The following TSHZ2 variants were observed in gnomAD, a reference collection of about 807,000 sequenced individuals.
The protein encoded by TSHZ2 is teashirt zinc finger homeobox 2, also known as teashirt homolog 2.
A neutral mutation model predicts 74.4 loss-of-function variants in TSHZ2; 21 were observed. The observed-to-expected ratio is 0.28, with a 90% CI of 0.20 to 0.41. TSHZ2 has a LOEUF of 0.41. Among genes scored for constraint, TSHZ2 ranks in the 10% least tolerant of loss-of-function variants. The pLI is 1.00. For missense variants in TSHZ2, 1,244 were observed against 1,293.5 expected (o/e 0.96, Z 0.59); for synonymous variants, 540 against 515.3 (o/e 1.05, Z -0.65).
chr20:53,096,606 G>C (rs1170957206), intron 1 of TSHZ2, among the ~76,000 whole-genome samples: 6 of 152,088 alleles, frequency 3.9e-5, no homozygotes, highest in Non-Finnish European at 8.8e-5. Flanking sequence ...TTCTCGGCCA[G>C]GCGCGGTGGC....
rs78698579 is a variant in TSHZ2, at chr20:53,382,662, C to T, written c.*9-104482C>T. ...TTCTCAGGCACTCCATGGCTCCCCC[C>T]GGGCCACAGTTTCCTGTCTGGATTA... On this transcript the variant is annotated intron_variant, in intron 2 of 2. Coordinates refer to ENST00000371497, the MANE Select transcript of TSHZ2 (RefSeq NM_173485.6). 1.4e-3 allele frequency among the ~76,000 whole-genome samples: 218 copies of T among 152,322 alleles called. 1 individual carries two copies. The highest frequency in any genetic ancestry group is 5.0e-3 in the African/African-American group (206 of 41,562).
At chr20:53,170,231 T>C (rs1225238862) in intron 1 of TSHZ2, among the ~76,000 whole-genome samples, 2 of 152,218 alleles carry the variant, frequency 1.3e-5, no homozygotes, top group African/African-American at 4.8e-5. Flanking sequence ...CATGTTAACA[T>C]TTATACTGTA....
At chr20:53,320,698 C>T (rs1979223753) in intron 2 of TSHZ2, among the ~76,000 whole-genome samples, 1 of 152,160 alleles carries the variant, frequency 6.6e-6, no homozygotes, top group South Asian at 2.1e-4. Context: ...CACCCTTTGA[C>T]TCAACAGAAA....
intron 1 of TSHZ2, among the ~76,000 whole-genome samples, chr20:53,123,690 G>A (rs575190306): frequency 1.3e-5 from 2 of 152,226 alleles, no homozygotes; most frequent in African/African-American, 4.8e-5. Context: ...TAAGTTAGCC[G>A]GCAAAGGGCA....
At chr20:53,436,394 A>G (rs1321319854) in intron 2 of TSHZ2, among the ~76,000 whole-genome samples, 2 of 151,872 alleles carry the variant, frequency 1.3e-5, no homozygotes, top group East Asian at 3.9e-4. Context: ...CCAAACCCAG[A>G]AGCTCAGAGG....
chr20:53,414,874 G>A (rs760157615), intron 2 of TSHZ2, among the ~76,000 whole-genome samples: 18 of 152,290 alleles, frequency 1.2e-4, no homozygotes, highest in Middle Eastern at 3.4e-3. Flanking sequence ...TTCCAGCCAC[G>A]TGACCTAAGA....
At chr20:53,019,702 C>A (rs1042270885) in intron 1 of TSHZ2, among the ~76,000 whole-genome samples, 1 of 152,250 alleles carries the variant, frequency 6.6e-6, no homozygotes, top group South Asian at 2.1e-4. Context: ...CTACTTCCTC[C>A]AAGCCTCCGT....
intron 1 of TSHZ2, among the ~76,000 whole-genome samples, chr20:53,015,442 A>G (rs1983000428): frequency 6.6e-6 from 1 of 152,186 alleles, no homozygotes; most frequent in African/African-American, 2.4e-5. Flanking sequence ...TACAATACAC[A>G]GAACACCCCC....
intron 1 of TSHZ2, among the ~76,000 whole-genome samples, chr20:53,111,967 A>G (rs1480229813): frequency 6.6e-6 from 1 of 152,144 alleles, no homozygotes. Context: ...GCCTTGCCCC[A>G]TCCTGAGATG....
At chr20:52,999,721 G>A (rs1982343617) in intron 1 of TSHZ2, among the ~76,000 whole-genome samples, 1 of 152,202 alleles carries the variant, frequency 6.6e-6, no homozygotes, top group South Asian at 2.1e-4. Flanking sequence ...AAAAAGTCAT[G>A]TGCTCAGCTT....
intron 1 of TSHZ2, among the ~76,000 whole-genome samples, chr20:52,982,689 A>G (rs1981613326): frequency 6.6e-6 from 1 of 152,248 alleles, no homozygotes; most frequent in Non-Finnish European, 1.5e-5. Flanking sequence ...AAATAAATAT[A>G]TAACACAATA....
intron 1 of TSHZ2, among the ~76,000 whole-genome samples, chr20:53,135,915 C>T (rs1355055364): frequency 2.0e-5 from 3 of 152,152 alleles, no homozygotes; most frequent in African/African-American, 4.8e-5. Flanking sequence ...AATGTTTGTC[C>T]CATTTCTAGT....
At chr20:52,979,800 G>A (rs1172183621) in intron 1 of TSHZ2, among the ~76,000 whole-genome samples, 4 of 152,140 alleles carry the variant, frequency 2.6e-5, no homozygotes, top group African/African-American at 9.7e-5. Context: ...GGCACAGCAA[G>A]ATAATCCGAT....
intron 2 of TSHZ2, among the ~76,000 whole-genome samples, chr20:53,259,759 T>C (rs2123736295): frequency 6.6e-6 from 1 of 152,302 alleles, no homozygotes; most frequent in African/African-American, 2.4e-5. Flanking sequence ...AAATGACAAA[T>C]AGGTTTTGAG....
chr20:53,122,970 C>T (rs1268687076), intron 1 of TSHZ2, among the ~76,000 whole-genome samples: 1 of 152,282 alleles, frequency 6.6e-6, no homozygotes, highest in Non-Finnish European at 1.5e-5. Flanking sequence ...GGGGGAGGTA[C>T]TGGGTATTTC....
intron 2 of TSHZ2, among the ~76,000 whole-genome samples, chr20:53,317,041 C>T (rs905726002): frequency 6.6e-6 from 1 of 152,158 alleles, no homozygotes; most frequent in Non-Finnish European, 1.5e-5. Context: ...AGCAGTAGCT[C>T]ATTATTTAGC....
intron 2 of TSHZ2, among the ~76,000 whole-genome samples, chr20:53,479,911 G>A (rs781416482): frequency 1.6e-4 from 25 of 152,234 alleles, no homozygotes; most frequent in Admixed American, 5.9e-4. Context: ...ACAGGGCCAA[G>A]TTAGAGAAAA....
chr20:53,205,577 A>G (rs1989148499), intron 1 of TSHZ2, among the ~76,000 whole-genome samples: 1 of 152,182 alleles, frequency 6.6e-6, no homozygotes, highest in African/African-American at 2.4e-5. Flanking sequence ...ATGCAGCCGC[A>G]CTGTCCATTT....
At chr20:53,020,240 C>T (rs577069715) in intron 1 of TSHZ2, among the ~76,000 whole-genome samples, 16 of 152,308 alleles carry the variant, frequency 1.1e-4, no homozygotes, top group East Asian at 1.9e-4. Flanking sequence ...TCGTCACCAT[C>T]GGTCCTCGTG....
Sources: gnomAD v4.1 joint callset for allele counts (sites outside exome capture counted in the v4.1 genomes callset) on GRCh38, gnomAD v4.1.1 for gene constraint, MANE v1.5 for transcripts, NCBI Gene and HGNC (gene_info 2026-07-23, HGNC 2026-07-21) for gene names.